ZNG1B: variants seen among roughly 807,000 people sequenced by gnomAD.
ZNG1B encodes the protein zinc-regulated GTPase metalloprotein activator 1B.
the ZNG1B span, among the ~76,000 whole-genome samples, chr2:113,464,558 A>G: frequency 2.7e-5 from 4 of 150,640 alleles, no homozygotes; most frequent in Non-Finnish European, 4.4e-5. Flanking sequence ...TATAGTATCA[A>G]AAGAGGGAGA....
the ZNG1B span, among the ~76,000 whole-genome samples, chr2:113,466,999 G>T: frequency 5.5e-4 from 80 of 146,762 alleles, no homozygotes; most frequent in African/African-American, 1.2e-3. Flanking sequence ...GGGAGGCGGA[G>T]CTTGCAGTGA....
At chr2:113,458,279 G>C in the ZNG1B span, among the ~76,000 whole-genome samples, 1 of 152,124 alleles carries the variant, frequency 6.6e-6, no homozygotes, top group East Asian at 1.9e-4. Context: ...TGCAGAGTTT[G>C]ACTTGGGAAG....
the ZNG1B span, among the ~76,000 whole-genome samples, chr2:113,475,781 C>T: frequency 9.9e-5 from 15 of 151,976 alleles, no homozygotes; most frequent in East Asian, 1.9e-4. Context: ...AATTCTGGGT[C>T]GAAAATTCTT....
At chr2:113,471,604 T>G in the ZNG1B span, among the ~76,000 whole-genome samples, 5 of 151,614 alleles carry the variant, frequency 3.3e-5, no homozygotes, top group East Asian at 9.7e-4. Context: ...CTAGCATTAG[T>G]TATATCTCCC....
chr2:113,476,491 G>A, the ZNG1B span, among the ~76,000 whole-genome samples: 4 of 149,678 alleles, frequency 2.7e-5, no homozygotes, highest in African/African-American at 5.0e-5. Context: ...CTCTCAGCTC[G>A]TCAAAGTCAT....
At chr2:113,477,373 C>T in the ZNG1B span, among the ~76,000 whole-genome samples, 26 of 152,130 alleles carry the variant, frequency 1.7e-4, no homozygotes, top group African/African-American at 4.6e-4. Context: ...CGCCCTGCTT[C>T]GGCTCGCGGA....
the ZNG1B span, chr2:113,460,717 T>C: frequency 6.3e-7 from 1 of 1,594,230 alleles, no homozygotes; most frequent in Non-Finnish European, 8.5e-7. Flanking sequence ...ATGAAGCTAC[T>C]AGGTATTCAT....
chr2:113,471,772 G>A, the ZNG1B span, among the ~76,000 whole-genome samples: 3 of 151,840 alleles, frequency 2.0e-5, no homozygotes, highest in Non-Finnish European at 4.4e-5. Flanking sequence ...GGAGAATGAT[G>A]ATTTCCAATT....
chr2:113,445,078 A>G, the ZNG1B span: 1 of 1,606,980 alleles, frequency 6.2e-7, no homozygotes, highest in Admixed American at 1.7e-5. Context: ...GTTGTTAATA[A>G]CCAGAATATA....
chr2:113,471,931 C>T, the ZNG1B span, among the ~76,000 whole-genome samples: 1 of 142,556 alleles, frequency 7.0e-6, no homozygotes, highest in Non-Finnish European at 1.5e-5. Flanking sequence ...TGAATAATGC[C>T]GCAATAAACA....
chr2:113,481,110 C>T, the ZNG1B span, among the ~76,000 whole-genome samples: 21 of 137,744 alleles, frequency 1.5e-4, no homozygotes, highest in South Asian at 4.4e-3. Context: ...TTTTTTGCTG[C>T]GTATGAAGTT....
At chr2:113,448,889 C>T in the ZNG1B span, among the ~76,000 whole-genome samples, 6 of 150,574 alleles carry the variant, frequency 4.0e-5, no homozygotes, top group East Asian at 2.0e-4. Flanking sequence ...GGTGACAGAG[C>T]GAGACTCCAT....
At chr2:113,455,540 T>C in the ZNG1B span, 1 of 1,267,180 alleles carries the variant, frequency 7.9e-7, no homozygotes, top group African/African-American at 1.5e-5. Flanking sequence ...TAAAATGATG[T>C]TTCTCAGCTT....
the ZNG1B span, among the ~76,000 whole-genome samples, chr2:113,467,948 AT>A: frequency 5.4e-5 from 8 of 148,582 alleles, no homozygotes; most frequent in Non-Finnish European, 1.2e-4. Flanking sequence ...CATAGTTTGG[AT>A]TTTCTTCTGT....
At chr2:113,488,032 T>G in the ZNG1B span, among the ~76,000 whole-genome samples, 1 of 152,012 alleles carries the variant, frequency 6.6e-6, no homozygotes, top group Non-Finnish European at 1.5e-5. Flanking sequence ...CTCTGGAAAG[T>G]GCCACCTCCC....
At chr2:113,451,953 TA>T in the ZNG1B span, among the ~76,000 whole-genome samples, 1 of 152,008 alleles carries the variant, frequency 6.6e-6, no homozygotes, top group Non-Finnish European at 1.5e-5. Context: ...GGAGTAGTGA[TA>T]CAGTAGATTT....
chr2:113,471,416 A>C, the ZNG1B span, among the ~76,000 whole-genome samples: 336 of 152,268 alleles, frequency 2.2e-3, 2 homozygotes, highest in Admixed American at 7.1e-3. Flanking sequence ...TAGCGTTTTC[A>C]CACAAATAAC....
chr2:113,469,963 T>C, the ZNG1B span: 12 of 151,282 alleles, frequency 7.9e-5, no homozygotes, highest in Admixed American at 4.6e-4. Flanking sequence ...TCAGCTTTGA[T>C]TATGAGAAAT....
At chr2:113,474,796 G>C in the ZNG1B span, among the ~76,000 whole-genome samples, 429 of 152,214 alleles carry the variant, frequency 2.8e-3, 3 homozygotes, top group African/African-American at 9.9e-3. Flanking sequence ...TAGTTGAGTG[G>C]TTTTGAGTGA....
Sources: gnomAD v4.1 joint callset for allele counts (sites outside exome capture counted in the v4.1 genomes callset) on GRCh38, gnomAD v4.1.1 for gene constraint, MANE v1.5 for transcripts, NCBI Gene and HGNC (gene_info 2026-07-23, HGNC 2026-07-21) for gene names.